The following NRG3 variants were observed in gnomAD, a reference collection of about 807,000 sequenced individuals.
The protein encoded by NRG3 is pro-neuregulin-3, membrane-bound isoform.
A neutral mutation model predicts 66.9 loss-of-function variants in NRG3; 31 were observed. That is an observed-to-expected ratio of 0.46 (90% CI 0.35 to 0.63). NRG3 has a LOEUF of 0.63. Among genes scored for constraint, NRG3 ranks in the 20% least tolerant of loss-of-function variants. The probability of loss-of-function intolerance (pLI) is 0.00; values close to 1 mark genes in which losing one functional copy is unlikely to be tolerated. For missense variants in NRG3, 910 were observed against 878.9 expected (o/e 1.04, Z -0.45); for synonymous variants, 393 against 359.4 (o/e 1.09, Z -1.06).
chr10:82,634,554 A>G lies in NRG3; in HGVS notation c.954-104023A>G, dbSNP rs2050057151. On this transcript the variant is annotated intron_variant, in intron 2 of 8. Transcript: ENST00000372141. Reference sequence around the variant, plus strand: ...TTTGTTCAATATTTTTAGAGATCTCATGAAATAGACCCAGAAGAGAGCCAA... The same window carrying G: ...TTTGTTCAATATTTTTAGAGATCTCGTGAAATAGACCCAGAAGAGAGCCAA... 3.3e-5 allele frequency among the ~76,000 whole-genome samples: 5 copies of G among 152,348 alleles called. No homozygotes were observed. In the South Asian group the frequency reaches 1.0e-3, roughly 32 times the overall value.
At chr10:82,594,826 T>C (rs748508059) in intron 2 of NRG3, among the ~76,000 whole-genome samples, 2 of 152,006 alleles carry the variant, frequency 1.3e-5, no homozygotes, top group Non-Finnish European at 2.9e-5. Context: ...CATCTGCTCT[T>C]ATATCTTTTT....
In NRG3 at chr10:82,985,242, C is replaced by G; in HGVS notation, c.1728C>G (p.Ile576Met). Reference protein sequence around the residue: ...YSSTRASSVPIIPSVGLEETC... With the variant: ...YSSTRASSVPMIPSVGLEETC... ...CCACAAGGGCCAGTTCTGTGCCCAT[C>G]ATCCCTTCAGTGGGTTTAGAGGAAA... Residue 576 changes from isoleucine to methionine, a missense_variant, in exon 9 of 9, where the codon ATC becomes ATG. By Grantham distance (10) the Ile-to-Met change is conservative (BLOSUM62 1). Coordinates refer to ENST00000372141, the MANE Select transcript of NRG3 (RefSeq NM_001010848.4). 6 of 1,614,178 alleles carry G rather than the reference C, an allele frequency of 3.7e-6. No individual in the cohort carries two copies. Among genetic ancestry groups the G allele is most frequent in the Non-Finnish European group, 5.1e-6 (6 of 1,180,014 alleles).
intron 2 of NRG3, among the ~76,000 whole-genome samples, chr10:82,486,452 T>A (rs1217853129): frequency 6.6e-6 from 1 of 152,000 alleles, no homozygotes; most frequent in Non-Finnish European, 1.5e-5. Flanking sequence ...TCTTGCTCTG[T>A]CGCCCAGGCT....
intron 1 of NRG3, among the ~76,000 whole-genome samples, chr10:82,181,599 C>T (rs1003396245): frequency 1.3e-5 from 2 of 151,764 alleles, no homozygotes; most frequent in African/African-American, 4.8e-5. Context: ...TTTCTAATTT[C>T]ATTCCACTGT....
intron 1 of NRG3, among the ~76,000 whole-genome samples, chr10:82,312,474 A>G (rs1023413934): frequency 4.6e-5 from 7 of 152,216 alleles, no homozygotes; most frequent in Non-Finnish European, 1.0e-4. Flanking sequence ...TCCATTTTCA[A>G]TCTTTTTACC....
chr10:82,150,523 G>GCA (rs71007298), intron 1 of NRG3, among the ~76,000 whole-genome samples: 3 of 57,324 alleles, frequency 5.2e-5, no homozygotes, highest in East Asian at 4.3e-4. Context: ...AGCAAAAAGA[G>GCA]CACACACAAA....
intron 1 of NRG3, among the ~76,000 whole-genome samples, chr10:81,996,362 T>C (rs1472976972): frequency 6.6e-6 from 1 of 152,140 alleles, no homozygotes; most frequent in African/African-American, 2.4e-5. Context: ...TTGTTTCAAA[T>C]GAGATAATCA....
chr10:82,122,207 T>C (rs902989058), intron 1 of NRG3, among the ~76,000 whole-genome samples: 1 of 152,190 alleles, frequency 6.6e-6, no homozygotes, highest in South Asian at 2.1e-4. Context: ...ACTGATTTTT[T>C]AATTATAAAA....
chr10:82,161,462 T>C (rs2071594272), intron 1 of NRG3, among the ~76,000 whole-genome samples: 2 of 152,110 alleles, frequency 1.3e-5, no homozygotes, highest in African/African-American at 4.8e-5. Context: ...CTTCCCCTTT[T>C]TTTGTACCTT....
chr10:82,083,811 T>A (rs2065548621), intron 1 of NRG3, among the ~76,000 whole-genome samples: 1 of 151,374 alleles, frequency 6.6e-6, no homozygotes. Context: ...GAGATGGGGT[T>A]TCGCTGTGTT....
intron 2 of NRG3, among the ~76,000 whole-genome samples, chr10:82,729,130 G>A (rs1366310525): frequency 6.6e-6 from 1 of 152,128 alleles, no homozygotes; most frequent in East Asian, 1.9e-4. Flanking sequence ...CAGAATTGGA[G>A]ACCATCCTGC....
At chr10:82,220,628 A>G (rs1034502239) in intron 1 of NRG3, among the ~76,000 whole-genome samples, 19 of 152,122 alleles carry the variant, frequency 1.2e-4, no homozygotes, top group African/African-American at 4.6e-4. Context: ...ACTCCAAAAT[A>G]TCACACCTGT....
intron 3 of NRG3, among the ~76,000 whole-genome samples, chr10:82,792,923 C>T (rs372988815): frequency 7.2e-5 from 11 of 151,962 alleles, no homozygotes; most frequent in African/African-American, 1.5e-4. Context: ...TCAGGTGATC[C>T]GCCCACCTCG....
chr10:81,915,657 G>T (rs1421472611), intron 1 of NRG3, among the ~76,000 whole-genome samples: 1 of 152,122 alleles, frequency 6.6e-6, no homozygotes, highest in Non-Finnish European at 1.5e-5. Flanking sequence ...AATCAGGAGA[G>T]AATACTGAGT....
chr10:81,915,165 G>A (rs944260788), intron 1 of NRG3, among the ~76,000 whole-genome samples: 2 of 152,132 alleles, frequency 1.3e-5, no homozygotes, highest in Non-Finnish European at 2.9e-5. Flanking sequence ...ACTGGGATGT[G>A]TGCTGTACTG....
chr10:82,195,377 A>G (rs960165069), intron 1 of NRG3, among the ~76,000 whole-genome samples: 2 of 152,188 alleles, frequency 1.3e-5, no homozygotes, highest in Non-Finnish European at 2.9e-5. Flanking sequence ...AATCATAAAC[A>G]AAACTCTCAG....
chr10:82,198,760 A>T (rs2074589036), intron 1 of NRG3, among the ~76,000 whole-genome samples: 1 of 152,122 alleles, frequency 6.6e-6, no homozygotes, highest in African/African-American at 2.4e-5. Flanking sequence ...GCACACTGGG[A>T]GGTCAGGGTG....
intron 1 of NRG3, among the ~76,000 whole-genome samples, chr10:82,150,405 TC>T (rs1564612357): frequency 6.6e-6 from 1 of 151,032 alleles, no homozygotes; most frequent in Non-Finnish European, 1.5e-5. Flanking sequence ...CTGAAGAGCA[TC>T]CCCCCGCCAA....
In NRG3 at chr10:82,557,927, C is replaced by T. The variant is rs376847338; in HGVS notation, c.954-180650C>T. 1.3e-4 allele frequency among the ~76,000 whole-genome samples: 20 copies of T among 152,174 alleles called. No homozygotes were observed. In the East Asian group the frequency reaches 3.3e-3, roughly 25 times the overall value. On this transcript the variant is annotated intron_variant, in intron 2 of 8. Coordinates refer to ENST00000372141, the MANE Select transcript of NRG3 (RefSeq NM_001010848.4). ...GGCTCCAAATCCTTGAAGTCACCAG[C>T]TGGTGAGAAGAGACACAACACTCGC...
Sources: gnomAD v4.1 joint callset for allele counts (sites outside exome capture counted in the v4.1 genomes callset) on GRCh38, gnomAD v4.1.1 for gene constraint, MANE v1.5 for transcripts, NCBI Gene and HGNC (gene_info 2026-07-23, HGNC 2026-07-21) for gene names.